CNBD1: variants seen among roughly 807,000 people sequenced by gnomAD.
CNBD1 encodes the protein cyclic nucleotide-binding domain-containing protein 1.
In CNBD1, 71 loss-of-function variants were observed where a neutral mutation model predicts 54.4. The ratio of observed to expected loss-of-function variants is 1.30; its 90% confidence interval spans 1.08 to 1.59. CNBD1 has a LOEUF of 1.59. Among genes scored for constraint, CNBD1 ranks in the 40% most tolerant of loss-of-function variants. The pLI, the probability that CNBD1 is intolerant of heterozygous loss-of-function variation, is 0.00. For synonymous variants in CNBD1, 182 were observed against 170.7 expected, an observed-to-expected ratio of 1.07 and a Z score of -0.51; for missense variants, 659 against 518.0, an observed-to-expected ratio of 1.27 and a Z score of -2.64.
chr8:87,275,262 T>C (rs1223922236), intron 6 of CNBD1, among the ~76,000 whole-genome samples: 1 of 137,726 alleles, frequency 7.3e-6, no homozygotes, highest in Non-Finnish European at 1.6e-5. Flanking sequence ...TGCGGGCTCT[T>C]TTTTGGTTCC....
intron 4 of CNBD1, among the ~76,000 whole-genome samples, chr8:87,109,129 G>T (rs185572856): frequency 2.7e-3 from 405 of 152,074 alleles, no homozygotes; most frequent in African/African-American, 9.5e-3. Context: ...TATCAAAGAG[G>T]TTAAGATGAA....
At chr8:87,260,574 T>G (rs1808116288) in intron 6 of CNBD1, among the ~76,000 whole-genome samples, 1 of 152,118 alleles carries the variant, frequency 6.6e-6, no homozygotes, top group African/African-American at 2.4e-5. Flanking sequence ...CATTCCACTG[T>G]TTTTGCACAG....
intron 8 of CNBD1, among the ~76,000 whole-genome samples, chr8:87,329,585 C>A (rs1016571275): frequency 6.6e-6 from 1 of 151,936 alleles, no homozygotes; most frequent in African/African-American, 2.4e-5. Flanking sequence ...TTTATCAGAA[C>A]TTTGTAGTTT....
chr8:87,241,480 G>A (rs564120204), intron 6 of CNBD1, among the ~76,000 whole-genome samples: 1 of 152,044 alleles, frequency 6.6e-6, no homozygotes, highest in Middle Eastern at 3.4e-3. Context: ...CACCGTGTTA[G>A]CCAGGATCGT....
At chr8:87,014,338 A>G (rs1809308024) in intron 4 of CNBD1, among the ~76,000 whole-genome samples, 1 of 151,778 alleles carries the variant, frequency 6.6e-6, no homozygotes, top group African/African-American at 2.4e-5. Context: ...ATACTATAAG[A>G]TTTGCCATAA....
intron 4 of CNBD1, among the ~76,000 whole-genome samples, chr8:87,041,437 G>A (rs560782347): frequency 6.6e-6 from 1 of 152,244 alleles, no homozygotes; most frequent in Non-Finnish European, 1.5e-5. Flanking sequence ...AGTATGGTGA[G>A]GGAGGAGAAA....
intron 4 of CNBD1, among the ~76,000 whole-genome samples, chr8:86,999,928 A>T (rs553137763): frequency 5.1e-4 from 77 of 152,356 alleles, no homozygotes; most frequent in African/African-American, 1.7e-3. Context: ...ATATTCTGCA[A>T]CATTGCAAAG....
At chr8:87,340,028 ATTTAAC>A (rs1425543693) in intron 8 of CNBD1, among the ~76,000 whole-genome samples, 1 of 152,142 alleles carries the variant, frequency 6.6e-6, no homozygotes, top group African/African-American at 2.4e-5. Flanking sequence ...CATCTTTTCA[ATTTAAC>A]TTGAAGGACT....
At chr8:87,296,096 T>C (rs1329702293) in intron 8 of CNBD1, among the ~76,000 whole-genome samples, 1 of 152,114 alleles carries the variant, frequency 6.6e-6, no homozygotes, top group South Asian at 2.1e-4. Context: ...GTACATATGT[T>C]TATAGCAAAA....
intron 4 of CNBD1, among the ~76,000 whole-genome samples, chr8:87,012,663 C>A (rs889361802): frequency 1.3e-5 from 2 of 152,168 alleles, no homozygotes; most frequent in Non-Finnish European, 2.9e-5. Context: ...TATCTAAGAG[C>A]TTCCTCTGAA....
chr8:86,908,017 T>C (rs988154768), intron 3 of CNBD1, among the ~76,000 whole-genome samples: 1 of 152,210 alleles, frequency 6.6e-6, no homozygotes, highest in Non-Finnish European at 1.5e-5. Context: ...ATGTGACAGC[T>C]ACAACAGCAA....
In CNBD1 at chr8:86,934,583, A is replaced by G. The variant is rs534412226; in HGVS notation, c.273-5013A>G. Reference sequence around the variant, plus strand: ...CTGATTCCAGGGGCAAAGTTTTCAAAATTTCACCTTCAGTATAATATTTGC... The same window carrying G: ...CTGATTCCAGGGGCAAAGTTTTCAAGATTTCACCTTCAGTATAATATTTGC... On this transcript the variant is annotated intron_variant, in intron 3 of 10. Coordinates refer to ENST00000518476, the MANE Select transcript of CNBD1 (RefSeq NM_173538.3). Among the ~76,000 whole-genome samples the G allele has an allele frequency of 3.3e-5, 5 of 152,326 alleles. No homozygotes were observed. In the South Asian group the frequency reaches 1.0e-3, roughly 32 times the overall value.
chr8:87,400,327 C>T (rs1005064647), intron 2 of CNBD1, among the ~76,000 whole-genome samples: 2 of 151,850 alleles, frequency 1.3e-5, no homozygotes, highest in Admixed American at 1.3e-4. Flanking sequence ...AAATCTGGTA[C>T]CAGGACTGGA....
chr8:87,296,074 A>T (rs1283559916), intron 8 of CNBD1, among the ~76,000 whole-genome samples: 1 of 152,122 alleles, frequency 6.6e-6, no homozygotes. Context: ...TATTCTAGAC[A>T]TTCTATAATA....
intron 4 of CNBD1, among the ~76,000 whole-genome samples, chr8:87,031,772 G>A (rs914217762): frequency 4.0e-5 from 6 of 151,752 alleles, no homozygotes; most frequent in South Asian, 2.1e-4. Flanking sequence ...ATGGAGTCTC[G>A]CTCTATCACC....
Position 87,392,431 on chromosome 8 carries a change from A to G in CNBD1, c.214-36115A>G, listed in dbSNP as rs941469540. 3.9e-5 allele frequency among the ~76,000 whole-genome samples: 6 copies of G among 152,052 alleles called. No individual in the cohort carries two copies. In the East Asian group the frequency reaches 9.7e-4, roughly 24 times the overall value. The stretch of plus-strand genomic sequence containing the variant: ...AAAAAGTTCATTAACCGATGAAGGG[A>G]TAAATTAAAATGTCATAAGCATATT... On this transcript the variant is annotated intron_variant, in intron 2 of 7. Transcript: ENST00000521593.
intron 8 of CNBD1, among the ~76,000 whole-genome samples, chr8:87,329,592 G>A (rs1175180714): frequency 6.6e-6 from 1 of 151,958 alleles, no homozygotes; most frequent in African/African-American, 2.4e-5. Flanking sequence ...GAACTTTGTA[G>A]TTTTATTCAT....
intron 6 of CNBD1, among the ~76,000 whole-genome samples, chr8:87,238,506 GTCAC>G (rs1807626070): frequency 6.6e-6 from 1 of 152,046 alleles, no homozygotes; most frequent in South Asian, 2.1e-4. Context: ...AGGCTTTAAT[GTCAC>G]TATCTCAAAT....
At chr8:87,303,413 C>A (rs1004249824) in intron 8 of CNBD1, among the ~76,000 whole-genome samples, 2 of 151,702 alleles carry the variant, frequency 1.3e-5, no homozygotes, top group African/African-American at 4.8e-5. Flanking sequence ...ATAAATGGTG[C>A]TGGGAAAACT....
Sources: allele counts gnomAD v4.1 joint callset (sites outside exome capture counted in the v4.1 genomes callset), GRCh38; gene constraint gnomAD v4.1.1; transcripts MANE v1.5; gene names NCBI Gene and HGNC (gene_info 2026-07-23, HGNC 2026-07-21).